Variants in XRN1 observed in about 807,000 individuals in gnomAD.
XRN1 encodes the protein strand-exchange protein 1 homolog.
XRN1 carries 67 observed loss-of-function variants against 222.3 expected under a neutral mutation model. The observed-to-expected ratio is 0.30, with a 90% CI of 0.25 to 0.37. XRN1 has a LOEUF of 0.37. Among genes scored for constraint, XRN1 ranks in the 10% least tolerant of loss-of-function variants. The pLI is 1.00. For synonymous variants in XRN1, 643 were observed against 652.4 expected (o/e 0.99, Z 0.22); for missense variants, 1,707 against 2,000.2 (o/e 0.85, Z 2.80).
At position 142,403,669 on chromosome 3, in the gene XRN1, C is replaced by T. The variant is rs1167197605; in HGVS notation, c.2103+5G>A. The T allele has an allele frequency of 3.7e-6, 6 of 1,610,430 alleles. No individual in the cohort carries two copies. Among genetic ancestry groups the T allele is most frequent in the Non-Finnish European group, 5.1e-6 (6 of 1,177,356 alleles). Reference sequence around the variant, plus strand: ...TAATAAATGAATGATAAATAAAATACTTACAAGTTCATCTGATTCTGCATC... The same window carrying T: ...TAATAAATGAATGATAAATAAAATATTTACAAGTTCATCTGATTCTGCATC... On this transcript the variant is annotated splice_donor_5th_base_variant and intron_variant, in intron 18 of 40. Coordinates refer to ENST00000392981, the MANE Select transcript of XRN1 (RefSeq NM_001282857.2).
In XRN1 at chr3:142,447,762, C is replaced by T. The variant is rs960609098; in HGVS notation, c.75+108G>A. The T allele has an allele frequency of 3.5e-5, 46 of 1,298,182 alleles. No homozygotes were observed. Among genetic ancestry groups the T allele is most frequent in the Non-Finnish European group, 4.7e-5 (44 of 927,758 alleles). 80.4% of individuals were successfully genotyped at this position (1,298,182 alleles called of 1,614,324 possible). ...CCCCTCCCTAATGCCACTAATCGTC[C>T]AGACGACGAGGGGAAAGAGGTGGCT... On this transcript the variant is annotated intron_variant, in intron 1 of 40. Coordinates refer to ENST00000392981, the MANE Select transcript of XRN1 (RefSeq NM_001282857.2). The surrounding 1 kb of genome is among the most constrained non-coding windows in gnomAD (Gnocchi z 4.2).
rs375372231 is a variant in XRN1 at position 142,422,714 on chromosome 3, T to C, written c.835A>G (p.Ile279Val). ...AACCCCATCAAAATCCAATCATCTA[T>C]TATCCTTTCAATATCATATTTAAAT... ...ITFKYDIERIIDDWILMGFLV... is the reference protein window; with the variant it reads ...ITFKYDIERIVDDWILMGFLV... Residue 279 changes from isoleucine (I) to valine (V), a missense_variant, in exon 8 of 41, where the codon ATA (isoleucine) becomes GTA (valine). Physicochemically the swap from Ile to Val is conservative, Grantham distance 29. Coordinates refer to ENST00000392981, the MANE Select transcript of XRN1 (RefSeq NM_001282857.2). 19 of 1,612,020 alleles carry C rather than the reference T, an allele frequency of 1.2e-5. No individual in the cohort carries two copies. Among genetic ancestry groups the C allele is most frequent in the Non-Finnish European group, 1.5e-5 (18 of 1,178,624 alleles).
chr3:142,392,142 AGT>A (rs1412495515), intron 20 of XRN1, among the ~76,000 whole-genome samples: 1 of 151,796 alleles, frequency 6.6e-6, no homozygotes, highest in African/African-American at 2.4e-5. Flanking sequence ...GGGGTAGGAG[AGT>A]GTTTTGGTAT....
At chr3:142,352,183 T>C (rs1264673782) in intron 32 of XRN1, among the ~76,000 whole-genome samples, 1 of 152,210 alleles carries the variant, frequency 6.6e-6, no homozygotes, top group Non-Finnish European at 1.5e-5. Flanking sequence ...CCTTCTTACA[T>C]ACTGCTGCCT....
chr3:142,447,432 C>A lies in XRN1; in HGVS notation c.75+438G>T, dbSNP rs1315500275. Among the ~76,000 whole-genome samples the A allele has an allele frequency of 4.6e-5, 7 of 152,176 alleles. No individual in the cohort carries two copies. The highest frequency in any genetic ancestry group is 4.6e-4 in the Admixed American group (7 of 15,282). ...TCAGGGAAAGTAAACAAGGTGACTG[C>A]GTGCGGAAGCGGCTGTTATCGTCTG... On this transcript the variant is annotated intron_variant, in intron 1 of 40. Coordinates refer to ENST00000392981, the MANE Select transcript of XRN1 (RefSeq NM_001282857.2). This position sits in a 1 kb window ranked among gnomAD's most constrained non-coding sequence, Gnocchi z 4.2.
intron 8 of XRN1, among the ~76,000 whole-genome samples, chr3:142,422,197 T>C (rs1445924421): frequency 1.3e-5 from 2 of 152,136 alleles, no homozygotes; most frequent in East Asian, 3.9e-4. Context: ...TAGCTGGGCA[T>C]GGTGACACAT....
Position 142,376,466 on chromosome 3 carries a change from A to G in XRN1, c.2831+13T>C, listed in dbSNP as rs368262393. The G allele has an allele frequency of 1.9e-5, 30 of 1,578,844 alleles. No individual in the cohort carries two copies. Among genetic ancestry groups the G allele is most frequent in the Non-Finnish European group, 2.6e-5 (30 of 1,150,626 alleles). On this transcript the variant is annotated intron_variant, in intron 24 of 40. Coordinates refer to ENST00000392981, the MANE Select transcript of XRN1 (RefSeq NM_001282857.2). ...TCTGCCACTTTAAGTAAATTTCTCT[A>G]ACATAAACTTACTTTCTCCTAGATC...
chr3:142,310,412 C>A lies in XRN1; in HGVS notation c.*1099G>T, dbSNP rs1279810014. ...TAATTTCAACAGTTACAGCTTGAAC[C>A]ACACATTCACATATGACATGCAAAG... On this transcript the variant is annotated 3_prime_UTR_variant, in exon 41 of 41. Transcript: ENST00000392981. 1 of 152,454 alleles carries A rather than the reference C, an allele frequency of 6.6e-6. No homozygotes were observed. The highest frequency in any genetic ancestry group is 2.4e-5 in the African/African-American group (1 of 41,384). The allele number at this position is 152,454 out of a possible 1,614,324, so 9.4% of individuals were successfully genotyped here.
At chr3:142,409,624 A>G (rs1215968376) in intron 15 of XRN1, among the ~76,000 whole-genome samples, 1 of 152,148 alleles carries the variant, frequency 6.6e-6, no homozygotes, top group Admixed American at 6.5e-5. Context: ...TGTTCTTTAT[A>G]TGGATTGTTT....
intron 34 of XRN1, among the ~76,000 whole-genome samples, chr3:142,334,611 T>C (rs986697208): frequency 1.3e-5 from 2 of 151,814 alleles, no homozygotes; most frequent in African/African-American, 4.8e-5. Flanking sequence ...TTGTTCCATG[T>C]ACTTCAATTG....
intron 26 of XRN1, 64 bp from the exon 27 acceptor site, chr3:142,370,684 A>T: frequency 7.1e-7 from 1 of 1,414,054 alleles, no homozygotes; most frequent in Non-Finnish European, 9.5e-7. Context: ...AAATTATAAA[A>T]GACATAAAAC....
Position 142,312,759 on chromosome 3 carries a change from C to A in XRN1, c.4622-1G>T. 1 of 1,586,266 alleles carries A rather than the reference C, an allele frequency of 6.3e-7. No homozygotes were observed. The highest frequency in any genetic ancestry group is 1.9e-5 in the Admixed American group (1 of 53,790). On this transcript the variant is annotated splice_acceptor_variant, in intron 39 of 40. Coordinates refer to ENST00000392981, the MANE Select transcript of XRN1 (RefSeq NM_001282857.2). LOFTEE classifies it high-confidence loss of function. ...TGAGACGACGAAGGCATTATATTAG[C>A]TGTTAAAAACCAAGGAAAATTTTTC...
chr3:142,384,498 G>T, intron 21 of XRN1, 25 bp downstream of exon 21: 3 of 1,589,128 alleles, frequency 1.9e-6, no homozygotes, highest in Non-Finnish European at 2.6e-6. Flanking sequence ...TATTAAGACA[G>T]AATTGAAACT....
At chr3:142,370,438 T>C (rs751532754) in intron 27 of XRN1, 47 bp downstream of exon 27, 1 of 1,569,492 alleles carries the variant, frequency 6.4e-7, no homozygotes, top group Admixed American at 2.1e-5. Context: ...GTATAGTCCA[T>C]TTAATTCCAA....
At chr3:142,391,745 AAAAAATAT>A (rs1171296892) in intron 20 of XRN1, among the ~76,000 whole-genome samples, 3 of 80,272 alleles carry the variant, frequency 3.7e-5, no homozygotes, top group African/African-American at 1.1e-4. Flanking sequence ...CTAAAAAAAA[AAAAAATAT>A]ATATATATAT....
At chr3:142,336,659 G>A (rs975614524) in intron 33 of XRN1, among the ~76,000 whole-genome samples, 1 of 151,820 alleles carries the variant, frequency 6.6e-6, no homozygotes, top group Non-Finnish European at 1.5e-5. Flanking sequence ...GGTAATGGAG[G>A]TAAGGAAGAG....
intron 33 of XRN1, among the ~76,000 whole-genome samples, chr3:142,340,583 C>G (rs1577250246): frequency 6.6e-6 from 1 of 152,014 alleles, no homozygotes; most frequent in East Asian, 1.9e-4. Context: ...TTATAGAATA[C>G]TAAGCAGATT....
At chr3:142,384,225 T>C (rs1364328374) in intron 21 of XRN1, among the ~76,000 whole-genome samples, 1 of 142,454 alleles carries the variant, frequency 7.0e-6, no homozygotes, top group East Asian at 2.0e-4. Flanking sequence ...TGAGCCGAGA[T>C]GGCGCCACTG....
At chr3:142,428,393 CAAAAAAAAA>C (rs56759656) in intron 2 of XRN1, among the ~76,000 whole-genome samples, 1 of 85,618 alleles carries the variant, frequency 1.2e-5, no homozygotes, top group Non-Finnish European at 2.3e-5. Flanking sequence ...CAAGACTCTC[CAAAAAAAAA>C]AAAAAAAAAA....
Sources: allele counts gnomAD v4.1 joint callset (sites outside exome capture counted in the v4.1 genomes callset), GRCh38; gene constraint gnomAD v4.1.1; non-coding constraint Gnocchi (gnomAD v3.1); transcripts MANE v1.5; gene names NCBI Gene and HGNC (gene_info 2026-07-23, HGNC 2026-07-21).